Variants in RANBP2 observed in about 807,000 individuals in gnomAD.
RANBP2 encodes E3 SUMO-protein ligase RanBP2.
RANBP2 carries 57 observed loss-of-function variants against 303.6 expected under a neutral mutation model. The ratio of observed to expected loss-of-function variants is 0.19; its 90% confidence interval spans 0.15 to 0.23. The LOEUF (loss-of-function observed/expected upper bound fraction) is 0.23, where lower values mean the gene tolerates loss of function less well. Ranked by LOEUF, RANBP2 falls within the 10% of genes least tolerant of loss-of-function variation. RANBP2 has a pLI of 1.00. For missense variants in RANBP2, 3,138 were observed against 3,780.8 expected (o/e 0.83, Z 4.46); for synonymous variants, 1,167 against 1,301.5 (o/e 0.90, Z 2.23).
intron 1 of RANBP2, 45 bp downstream of exon 1, chr2:108,719,723 G>A (rs1473088309): frequency 1.1e-5 from 17 of 1,556,934 alleles, no homozygotes; most frequent in African/African-American, 1.4e-5. Flanking sequence ...CTGGCCGGGC[G>A]GCGGCCTCGC....
At chr2:109,012,596 T>A in the RANBP2 span, among the ~76,000 whole-genome samples, 1 of 145,836 alleles carries the variant, frequency 6.9e-6, no homozygotes, top group Non-Finnish European at 1.5e-5. Context: ...TGCTTTCTCC[T>A]CTTTTCCTTA....
chr2:109,572,609 C>CTTT, the RANBP2 span, among the ~76,000 whole-genome samples: 181 of 111,192 alleles, frequency 1.6e-3, no homozygotes, highest in Non-Finnish European at 2.0e-3. Context: ...TTTAAAACAA[C>CTTT]TTTTTTTTTT....
At chr2:108,875,325 A>T in the RANBP2 span, among the ~76,000 whole-genome samples, 9 of 143,812 alleles carry the variant, frequency 6.3e-5, no homozygotes, top group South Asian at 4.3e-4. Flanking sequence ...ATAATAAAAA[A>T]AAAAAAAAAA....
intron 4 of RANBP2, 154 bp downstream of exon 4, chr2:108,731,628 C>T: frequency 7.2e-7 from 1 of 1,397,112 alleles, no homozygotes. Context: ...CCTTTCTGAG[C>T]ATCTACTGTC....
chr2:109,462,353 G>T, the RANBP2 span, among the ~76,000 whole-genome samples: 1 of 151,938 alleles, frequency 6.6e-6, no homozygotes. Flanking sequence ...ATTAATCACT[G>T]CATATCAGAT....
the RANBP2 span, chr2:109,490,505 A>G: frequency 9.9e-7 from 1 of 1,012,348 alleles, no homozygotes; most frequent in Non-Finnish European, 1.3e-6. Context: ...AGAAATTTAA[A>G]AATAAAGTTC....
the RANBP2 span, among the ~76,000 whole-genome samples, chr2:109,368,764 G>T: frequency 3.3e-3 from 490 of 150,722 alleles, 5 homozygotes; most frequent in African/African-American, 0.011. Flanking sequence ...AAATTAATCT[G>T]GCATTTTCTT....
chr2:108,771,727 T>C lies in RANBP2; in HGVS notation c.7876T>C (p.Ser2626Pro). 1 of 1,613,622 alleles carries C rather than the reference T, an allele frequency of 6.2e-7. No individual in the cohort carries two copies. Among genetic ancestry groups the C allele is most frequent in the Non-Finnish European group, 8.5e-7 (1 of 1,179,932 alleles). Reference sequence around the variant, plus strand: ...AAAAGAGAAGAAAAAACCTGAAGATTCTCCCTCAGATGATGATGTTCTCAT... The same window carrying C: ...AAAAGAGAAGAAAAAACCTGAAGATCCTCCCTCAGATGATGATGTTCTCAT... The part of the protein sequence containing the change: ...KAKEKKKPED[S>P]PSDDDVLIVY... Residue 2626 changes from serine to proline, a missense_variant, in exon 21 of 29, where the codon TCT becomes CCT. By Grantham distance (74) the Ser-to-Pro change is moderately conservative. Coordinates refer to ENST00000283195, the MANE Select transcript of RANBP2 (RefSeq NM_006267.5).
At chr2:109,534,724 G>A in the RANBP2 span, among the ~76,000 whole-genome samples, 3 of 151,432 alleles carry the variant, frequency 2.0e-5, no homozygotes, top group South Asian at 6.2e-4. Context: ...AGGTTGCAGT[G>A]AGCTGAGATT....
the RANBP2 span, among the ~76,000 whole-genome samples, chr2:109,007,901 A>G: frequency 6.6e-6 from 1 of 152,302 alleles, no homozygotes; most frequent in East Asian, 1.9e-4. Context: ...TAAACCTGTT[A>G]GCAGCTTGCT....
chr2:108,825,549 A>G, the RANBP2 span, among the ~76,000 whole-genome samples: 275 of 152,204 alleles, frequency 1.8e-3, 3 homozygotes, highest in Non-Finnish European at 2.4e-3. Context: ...TTTTCATATA[A>G]ACAGATTCGT....
the RANBP2 span, among the ~76,000 whole-genome samples, chr2:109,697,865 T>G: frequency 6.7e-6 from 1 of 149,836 alleles, no homozygotes; most frequent in Non-Finnish European, 1.5e-5. Flanking sequence ...AAAGTTTTTT[T>G]TTTTTTTTTT....
At chr2:108,864,427 CT>C in the RANBP2 span, among the ~76,000 whole-genome samples, 65 of 152,142 alleles carry the variant, frequency 4.3e-4, no homozygotes, top group African/African-American at 1.5e-3. Flanking sequence ...CTTTGGGAGG[CT>C]TAGGAGGGAG....
chr2:109,004,219 GGATGACCTTAGGACCCCT>G, the RANBP2 span, among the ~76,000 whole-genome samples: 1 of 152,290 alleles, frequency 6.6e-6, no homozygotes, highest in South Asian at 2.1e-4. Context: ...TGAACTGAAG[GGATGACCTTAGGACCCCT>G]GATGGCCCAC....
chr2:108,898,959 C>G, the RANBP2 span, among the ~76,000 whole-genome samples: 1 of 152,050 alleles, frequency 6.6e-6, no homozygotes, highest in Non-Finnish European at 1.5e-5. Context: ...ACATTTGTGT[C>G]AAGAAGTTTC....
the RANBP2 span, among the ~76,000 whole-genome samples, chr2:109,601,671 C>T: frequency 6.6e-6 from 1 of 151,942 alleles, no homozygotes; most frequent in Non-Finnish European, 1.5e-5. Context: ...ATTACTGACC[C>T]TTCCAGTTTT....
chr2:108,753,794 T>TAA (rs774753888), intron 14 of RANBP2, 31 bp from the exon 15 acceptor site: 1 of 1,611,620 alleles, frequency 6.2e-7, no homozygotes, highest in East Asian at 2.2e-5. Flanking sequence ...TTTAAAAACC[T>TAA]AATGATTTCA....
At chr2:108,728,328 G>C in intron 1 of RANBP2, among the ~76,000 whole-genome samples, 1 of 151,992 alleles carries the variant, frequency 6.6e-6, no homozygotes, top group East Asian at 1.9e-4. Context: ...GGATCTCCCT[G>C]TGTCACCCAC....
At chr2:109,714,135 C>T in the RANBP2 span, among the ~76,000 whole-genome samples, 3 of 152,204 alleles carry the variant, frequency 2.0e-5, no homozygotes, top group East Asian at 3.9e-4. Context: ...GGTTAGAGTA[C>T]AGTGGCATGA....
Sources: gnomAD v4.1 joint callset for allele counts (sites outside exome capture counted in the v4.1 genomes callset) on GRCh38, gnomAD v4.1.1 for gene constraint, MANE v1.5 for transcripts, NCBI Gene and HGNC (gene_info 2026-07-23, HGNC 2026-07-21) for gene names.